Variants in RBM28 observed in about 807,000 individuals in gnomAD.
RBM28 encodes the protein RNA-binding protein 28.
RBM28 carries 78 observed loss-of-function variants against 98.3 expected under a neutral mutation model. The observed-to-expected ratio is 0.79, with a 90% CI of 0.66 to 0.96. RBM28 has a LOEUF of 0.96. Ranked by LOEUF, RBM28 falls within the 40% of genes least tolerant of loss-of-function variation. The pLI is 0.00. For synonymous variants in RBM28, 306 were observed against 330.9 expected, an observed-to-expected ratio of 0.92 and a Z score of 0.82; for missense variants, 838 against 913.0, an observed-to-expected ratio of 0.92 and a Z score of 1.06.
rs189194330 is a variant in RBM28 at position 128,321,259 on chromosome 7, G to A, written c.1563+7C>T. ...AAAGCTCCAAAATGGTCAGGGCCAC[G>A]TCTCACCTCCTTGATGCGCACCCCT... On this transcript the variant is annotated splice_region_variant and intron_variant, in intron 14 of 18. Transcript: ENST00000223073. 5.9e-5 allele frequency: 96 copies of A among 1,614,090 alleles called. No individual in the cohort carries two copies. In the East Asian group the frequency reaches 1.8e-3, roughly 30 times the overall value.
At chr7:128,341,221 T>G in intron 1 of RBM28, 5 of 1,274,352 alleles carry the variant, frequency 3.9e-6, no homozygotes, top group Non-Finnish European at 5.1e-6. Context: ...CTACATAAAC[T>G]GGTTAAAGCA....
intron 12 of RBM28, among the ~76,000 whole-genome samples, chr7:128,323,801 T>C (rs1393768564): frequency 6.6e-6 from 1 of 152,198 alleles, no homozygotes; most frequent in East Asian, 1.9e-4. Context: ...ACTCTAAACA[T>C]TTTGTGATTT....
rs765000764 is a variant in RBM28, at chr7:128,343,686, CA to C, written c.107del (p.Val36GlyfsTer40). ...QVGPVKQCFV[V>X]TEKGSKACRG... is the part of the protein sequence containing the mutation. ...CCGCCCCGCCCCTACCTTTTTCAGT[CA>C]CCACGAAGCACTGCTTCACCGGCCC... On this transcript the variant is annotated frameshift_variant, in exon 1 of 19. Coordinates refer to ENST00000223073, the MANE Select transcript of RBM28 (RefSeq NM_018077.3). LOFTEE classifies it high-confidence loss of function. 1.2e-6 allele frequency: 2 copies of C among 1,604,546 alleles called. No individual in the cohort carries two copies.
intron 10 of RBM28, 85 bp downstream of exon 10, chr7:128,330,734 G>A (rs1342078164): frequency 2.0e-6 from 2 of 977,034 alleles, no homozygotes; most frequent in African/African-American, 1.6e-5. Flanking sequence ...CCTCAAAATG[G>A]CACACATTAT....
intron 15 of RBM28, 97 bp from the exon 16 acceptor site, chr7:128,317,830 C>T: frequency 6.6e-7 from 1 of 1,506,840 alleles, no homozygotes; most frequent in Non-Finnish European, 9.2e-7. Flanking sequence ...CCCAACCCAC[C>T]TTTTTTTTGT....
intron 18 of RBM28, among the ~76,000 whole-genome samples, chr7:128,311,274 C>A (rs969338313): frequency 4.6e-5 from 7 of 152,158 alleles, no homozygotes; most frequent in Non-Finnish European, 8.8e-5. Context: ...CTGTTCCCTC[C>A]CCAAGAACAC....
intron 3 of RBM28, 119 bp from the exon 4 acceptor site, chr7:128,338,920 G>C (rs978319466): frequency 1.1e-5 from 9 of 814,192 alleles, no homozygotes; most frequent in Non-Finnish European, 1.7e-5. Flanking sequence ...TTTTATTTTT[G>C]ATACTAGGAC....
chr7:128,327,954 G>T (rs1796391181), intron 10 of RBM28, among the ~76,000 whole-genome samples: 1 of 152,086 alleles, frequency 6.6e-6, no homozygotes. Flanking sequence ...TGGGGGCATT[G>T]ATCTTCTGCC....
Position 128,317,748 on chromosome 7 carries a change from C to G in RBM28, c.1714-15G>C. ...ACTATTGGTCTCTGTCAGAGGGAGA[C>G]AGAATGCCATTCATTAGACTTCTTA... On this transcript the variant is annotated splice_polypyrimidine_tract_variant and intron_variant, in intron 15 of 18. Transcript: ENST00000223073. The G allele has an allele frequency of 6.4e-7, 1 of 1,572,718 alleles. No individual in the cohort carries two copies. Among genetic ancestry groups the G allele is most frequent in the Non-Finnish European group, 8.8e-7 (1 of 1,142,768 alleles).
intron 8 of RBM28, among the ~76,000 whole-genome samples, chr7:128,334,957 G>A (rs566256073): frequency 1.3e-5 from 2 of 152,302 alleles, no homozygotes; most frequent in Admixed American, 6.5e-5. Flanking sequence ...AGCACATAGC[G>A]AGAAGGCAGC....
At chr7:128,338,893 CATGA>C (rs914621052) in intron 3 of RBM28, 92 bp from the exon 4 acceptor site, 33 of 943,164 alleles carry the variant, frequency 3.5e-5, no homozygotes, top group East Asian at 1.7e-4. Flanking sequence ...TTATGAAAAA[CATGA>C]ATGTTTACTT....
chr7:128,325,781 C>G, intron 11 of RBM28, 37 bp downstream of exon 11: 3 of 1,524,070 alleles, frequency 2.0e-6, no homozygotes, highest in Non-Finnish European at 2.7e-6. Flanking sequence ...GCCAAACTGC[C>G]TCCTGTGTTA....
Position 128,338,326 on chromosome 7 carries a change from ACCGCGCATCTT to A in RBM28, c.454_464del (p.Lys152PhefsTer14), listed in dbSNP as rs746583662. 13 of 1,613,918 alleles carry A rather than the reference ACCGCGCATCTT, an allele frequency of 8.1e-6. No homozygotes were observed. Among genetic ancestry groups the A allele is most frequent in the Non-Finnish European group, 5.9e-6 (7 of 1,179,842 alleles). On this transcript the variant is annotated frameshift_variant, in exon 5 of 19. Coordinates refer to ENST00000223073, the MANE Select transcript of RBM28 (RefSeq NM_018077.3). LOFTEE classifies it high-confidence loss of function. ...GGTTTTTGAACTGAACAAAACCAAA[ACCGCGCATCTT>A]CCCATCTGTGTGCAAATGCACAAAG...
Position 128,318,026 on chromosome 7 carries a change from T to C in RBM28, c.1644A>G (p.Gln548=), listed in dbSNP as rs1314967158. Residue 548 remains glutamine, a synonymous_variant, in exon 15 of 19, where the codon CAA becomes CAG. Transcript: ENST00000223073. ...QSLGYAFAEF[Q]EHEHALKALR... ...GGGCTTTCAGGGCATGCTCGTGCTC[T>C]TGGAACTCCGCAAAGGCGTAGCCCA... 6.2e-7 allele frequency: 1 copy of C among 1,614,110 alleles called. No individual in the cohort carries two copies. The highest frequency in any genetic ancestry group is 8.5e-7 in the Non-Finnish European group (1 of 1,179,920).
rs976337593 is a variant in RBM28, at chr7:128,299,655, T to C, written c.*11142A>G. On this transcript the variant is annotated 3_prime_UTR_variant, in exon 19 of 19. Coordinates refer to ENST00000223073, the MANE Select transcript of RBM28 (RefSeq NM_018077.3). Reference sequence around the variant, plus strand: ...ACTGGTTATGTAAATTATGTTACACTGATACAATCCAATGAGCCTCCCTTC... The same window carrying C: ...ACTGGTTATGTAAATTATGTTACACCGATACAATCCAATGAGCCTCCCTTC... 1 of 152,248 alleles carries C rather than the reference T, an allele frequency of 6.6e-6. No individual in the cohort carries two copies. The highest frequency in any genetic ancestry group is 1.5e-5 in the Non-Finnish European group (1 of 68,036). The allele number at this position is 152,248 out of a possible 1,614,324, so 9.4% of individuals were successfully genotyped here.
intron 14 of RBM28, among the ~76,000 whole-genome samples, chr7:128,320,383 C>A (rs1216653747): frequency 7.3e-6 from 1 of 137,890 alleles, no homozygotes; most frequent in African/African-American, 2.8e-5. Flanking sequence ...GCACTCCAGC[C>A]AAAGACAGAG....
intron 9 of RBM28, 114 bp from the exon 10 acceptor site, chr7:128,331,042 C>A: frequency 2.6e-6 from 2 of 761,048 alleles, no homozygotes; most frequent in Non-Finnish European, 2.3e-6. Flanking sequence ...AGAAATAGCA[C>A]TAATACATAG....
chr7:128,334,285 C>G (rs1391126593), intron 8 of RBM28, among the ~76,000 whole-genome samples: 2 of 152,188 alleles, frequency 1.3e-5, no homozygotes, highest in Non-Finnish European at 2.9e-5. Flanking sequence ...GAAACTTCTA[C>G]TTTGTGTATT....
chr7:128,321,130 C>T (rs1796223072), intron 14 of RBM28, 136 bp downstream of exon 14: 5 of 1,211,834 alleles, frequency 4.1e-6, no homozygotes, highest in African/African-American at 1.5e-5. Context: ...TGCACCGCTG[C>T]ACTACAGCCT....
Sources: allele counts gnomAD v4.1 joint callset (sites outside exome capture counted in the v4.1 genomes callset), GRCh38; gene constraint gnomAD v4.1.1; transcripts MANE v1.5; gene names NCBI Gene and HGNC (gene_info 2026-07-23, HGNC 2026-07-21).